Variants in TOGARAM2 observed in about 807,000 individuals in gnomAD.
TOGARAM2 encodes the protein TOG array regulator of axonemal microtubules 2, also known as TOG array regulator of axonemal microtubules protein 2.
In TOGARAM2, 85 loss-of-function variants were observed where a neutral mutation model predicts 93.3. That is an observed-to-expected ratio of 0.91 (90% confidence interval 0.76 to 1.09). TOGARAM2 has a LOEUF of 1.09. TOGARAM2 is among the 50% of genes least tolerant of loss of function. TOGARAM2 has a pLI of 0.00. For synonymous variants in TOGARAM2, 593 were observed against 552.8 expected, an observed-to-expected ratio of 1.07 and a Z score of -1.02; for missense variants, 1,277 against 1,334.5, an observed-to-expected ratio of 0.96 and a Z score of 0.67.
At chr2:29,023,541 A>G (rs951187422) in intron 12 of TOGARAM2, among the ~76,000 whole-genome samples, 20 of 152,152 alleles carry the variant, frequency 1.3e-4, no homozygotes, top group South Asian at 4.1e-4. Context: ...CGTTTCTTTC[A>G]TGGCTCTGTG....
At chr2:29,017,742 C>G (rs762379768) in intron 9 of TOGARAM2, 50 bp from the exon 10 acceptor site, 2 of 1,505,376 alleles carry the variant, frequency 1.3e-6, no homozygotes, top group South Asian at 1.3e-5. Flanking sequence ...GACATTGAGG[C>G]CAGGGGAAAA....
intron 1 of TOGARAM2, among the ~76,000 whole-genome samples, chr2:28,965,468 G>A (rs1409138128): frequency 6.6e-6 from 1 of 152,112 alleles, no homozygotes; most frequent in African/African-American, 2.4e-5. Flanking sequence ...TTTATCATGT[G>A]CGTCGCCATG....
At chr2:28,978,410 T>G (rs1298521721), upstream of TOGARAM2, among the ~76,000 whole-genome samples, 1 of 152,168 alleles carries the variant, frequency 6.6e-6, no homozygotes, top group African/African-American at 2.4e-5. Context: ...TCAGGTCATT[T>G]GCAATGGGAA....
chr2:29,023,018 T>C (rs1665064150), intron 11 of TOGARAM2, 68 bp from the exon 12 acceptor site: 2 of 1,409,560 alleles, frequency 1.4e-6, no homozygotes, highest in African/African-American at 1.4e-5. Flanking sequence ...GTGGGGCCCC[T>C]AGTCTGCAGA....
At chr2:28,991,484 T>A (rs6547902) in intron 1 of TOGARAM2, among the ~76,000 whole-genome samples, 67,211 of 152,078 alleles carry the variant, frequency 0.44, 16,688 homozygotes, top group East Asian at 0.77. Context: ...CACCTTGGTG[T>A]GGGCTCTACT....
chr2:28,971,504 G>A (rs1464086692), intron 1 of TOGARAM2, among the ~76,000 whole-genome samples: 5 of 152,138 alleles, frequency 3.3e-5, no homozygotes, highest in Non-Finnish European at 5.9e-5. Flanking sequence ...GGGTCACCAC[G>A]ACCAGCCGGT....
In TOGARAM2 at chr2:29,026,872, C is replaced by T. The variant is rs755063375; in HGVS notation, c.1873C>T (p.Arg625Trp). ...AGVYHRNPLI[R>W]KYAAEHLSAV... Reference sequence around the variant, plus strand: ...TTTCAGCCACCGGAACCCCTTGATCCGGAAATACGCGGCTGAGCACCTCTC... The same window carrying T: ...TTTCAGCCACCGGAACCCCTTGATCTGGAAATACGCGGCTGAGCACCTCTC... Residue 625 changes from arginine to tryptophan, a missense_variant, in exon 14 of 20, where the codon CGG becomes TGG. Arg to Trp is a moderately radical substitution (Grantham distance 101). Coordinates refer to ENST00000379558, the MANE Select transcript of TOGARAM2 (RefSeq NM_199280.4). 28 of 1,590,202 alleles carry T rather than the reference C, an allele frequency of 1.8e-5. No individual in the cohort carries two copies. Among genetic ancestry groups the T allele is most frequent in the South Asian group, 4.6e-5 (4 of 86,668 alleles).
At chr2:29,046,075 G>T (rs1666725149) in intron 19 of TOGARAM2, 1 of 156,092 alleles carries the variant, frequency 6.4e-6, no homozygotes, top group Admixed American at 6.2e-5. Flanking sequence ...GCACCAGCTG[G>T]GTTTCAACCC....
chr2:29,014,443 A>G lies in TOGARAM2; in HGVS notation c.926A>G (p.Lys309Arg), dbSNP rs1306691559. ...ATCAGAGACAGGCCTGCCGCTGCCA[A>G]GAAGCCTGCCCTGCCTTTTTCTCAG... ...SPIRDRPAAA[K>R]KPALPFSQSA... is the part of the protein sequence containing the mutation. Residue 309 changes from lysine to arginine, a missense_variant, in exon 8 of 20, where the codon AAG (lysine) becomes AGG (arginine). Lys to Arg is a conservative substitution (Grantham distance 26). Coordinates refer to ENST00000379558, the MANE Select transcript of TOGARAM2 (RefSeq NM_199280.4). 4 of 1,609,206 alleles carry G rather than the reference A, an allele frequency of 2.5e-6. No individual in the cohort carries two copies. The East Asian group carries it at 8.9e-5, about 36-fold the overall frequency.
At chr2:28,994,092 A>C (rs1016143775) in intron 1 of TOGARAM2, among the ~76,000 whole-genome samples, 5 of 152,174 alleles carry the variant, frequency 3.3e-5, no homozygotes, top group African/African-American at 1.2e-4. Context: ...GTCACATGGA[A>C]ATAAAATGAA....
intron 1 of TOGARAM2, among the ~76,000 whole-genome samples, chr2:28,987,668 C>A (rs934574717): frequency 2.6e-5 from 4 of 152,212 alleles, no homozygotes; most frequent in Non-Finnish European, 4.4e-5. Context: ...CACTGTTTGT[C>A]CCTTTGTCTG....
intron 8 of TOGARAM2, 118 bp from the exon 9 acceptor site, chr2:29,017,036 G>A: frequency 2.3e-6 from 3 of 1,298,062 alleles, no homozygotes; most frequent in South Asian, 1.4e-5. Context: ...CAAGGAGTTT[G>A]TCTTTTTTGT....
chr2:28,998,126 T>C lies in TOGARAM2; in HGVS notation c.29-17T>C, dbSNP rs1341237666. On this transcript the variant is annotated splice_polypyrimidine_tract_variant and intron_variant, in intron 2 of 19. Coordinates refer to ENST00000379558, the MANE Select transcript of TOGARAM2 (RefSeq NM_199280.4). ...GGAGGACTCTCAGGTGCTGCTCTCC[T>C]GTGCTTCTGTCTCCAGCCAAGGTCC... 27 of 1,573,078 alleles carry C rather than the reference T, an allele frequency of 1.7e-5. 1 individual carries two copies. Among genetic ancestry groups the C allele is most frequent in the Non-Finnish European group, 2.2e-5 (26 of 1,155,604 alleles).
chr2:28,987,007 C>G (rs1421846795), intron 1 of TOGARAM2, among the ~76,000 whole-genome samples: 1 of 152,174 alleles, frequency 6.6e-6, no homozygotes, highest in Non-Finnish European at 1.5e-5. Context: ...TGAATGAATG[C>G]CCTGAAATAC....
At position 29,023,100 on chromosome 2, in the gene TOGARAM2, A is replaced by T; in HGVS notation, c.1526A>T (p.Lys509Met). The T allele has an allele frequency of 6.3e-7, 1 of 1,595,864 alleles. No individual in the cohort carries two copies. Residue 509 changes from lysine to methionine, a missense_variant, in exon 12 of 20, where the codon AAG (lysine) becomes ATG (methionine). By Grantham distance (95) the Lys-to-Met change is moderately conservative. Transcript: ENST00000379558. ...TTGCTTCTCAGGCAGATGAAGGAGA[A>T]GGGTCTGGTGAGCATCCAGCGCTTG... ...LNSSDWQMKEKGLVSIQRLAA... is the reference protein window; with the variant it reads ...LNSSDWQMKEMGLVSIQRLAA...
intron 1 of TOGARAM2, among the ~76,000 whole-genome samples, chr2:28,992,876 A>T (rs954051341): frequency 6.6e-6 from 1 of 152,160 alleles, no homozygotes; most frequent in Non-Finnish European, 1.5e-5. Context: ...CCTCGCCAAC[A>T]TGGTGAAACC....
chr2:28,984,182 T>C (rs1301998271), intron 1 of TOGARAM2, among the ~76,000 whole-genome samples: 1 of 152,104 alleles, frequency 6.6e-6, no homozygotes, highest in African/African-American at 2.4e-5. Context: ...AAACCTCTGG[T>C]TCTTGGCCCA....
chr2:29,000,745 G>A (rs1230098816), intron 4 of TOGARAM2, among the ~76,000 whole-genome samples: 1 of 152,084 alleles, frequency 6.6e-6, no homozygotes, highest in African/African-American at 2.4e-5. Context: ...CTGGAGCCGT[G>A]GGGTGTCTCC....
chr2:28,982,194 C>A (rs1672229099), intron 1 of TOGARAM2, among the ~76,000 whole-genome samples: 1 of 152,300 alleles, frequency 6.6e-6, no homozygotes, highest in African/African-American at 2.4e-5. Flanking sequence ...ATGGAAGTTA[C>A]TGTTTGTTGT....
Sources: gnomAD v4.1 joint callset for allele counts (sites outside exome capture counted in the v4.1 genomes callset) on GRCh38, gnomAD v4.1.1 for gene constraint, MANE v1.5 for transcripts, NCBI Gene and HGNC (gene_info 2026-07-23, HGNC 2026-07-21) for gene names.